Variants in RSPO2 observed in about 807,000 individuals in gnomAD.
RSPO2 encodes the protein R-spondin 2.
In RSPO2, 14 loss-of-function variants were observed where a neutral mutation model predicts 30.9. The observed-to-expected ratio is 0.45, with a 90% CI of 0.30 to 0.71. RSPO2 has a LOEUF of 0.71. Ranked by LOEUF, RSPO2 falls within the 30% of genes least tolerant of loss-of-function variation. RSPO2 has a pLI of 0.08. For synonymous variants in RSPO2, 107 were observed against 96.4 expected (o/e 1.11, Z -0.64); for missense variants, 264 against 301.9 (o/e 0.87, Z 0.93).
At chr8:107,963,076 T>A (rs1178997377) in intron 3 of RSPO2, among the ~76,000 whole-genome samples, 1 of 152,194 alleles carries the variant, frequency 6.6e-6, no homozygotes, top group Non-Finnish European at 1.5e-5. Flanking sequence ...CCTGAGGACT[T>A]CTTCAGGTAT....
At chr8:107,996,780 C>A (rs1222505105) in intron 2 of RSPO2, 2 of 308,830 alleles carry the variant, frequency 6.5e-6, no homozygotes, top group East Asian at 1.0e-4. Flanking sequence ...CAACTTTCAT[C>A]TTGACCACAA....
intron 5 of RSPO2, among the ~76,000 whole-genome samples, chr8:107,918,092 T>A (rs1029666795): frequency 6.6e-6 from 1 of 152,202 alleles, no homozygotes; most frequent in Non-Finnish European, 1.5e-5. Flanking sequence ...GTTAATTGAA[T>A]GGACTGAACT....
chr8:107,907,497 A>G (rs1197794109), intron 5 of RSPO2, among the ~76,000 whole-genome samples: 5 of 152,088 alleles, frequency 3.3e-5, no homozygotes, highest in African/African-American at 1.2e-4. Flanking sequence ...GTCAAGTAGT[A>G]ACTTAGAAGA....
At chr8:107,921,418 C>T (rs1322150734) in intron 5 of RSPO2, among the ~76,000 whole-genome samples, 1 of 151,946 alleles carries the variant, frequency 6.6e-6, no homozygotes, top group African/African-American at 2.4e-5. Context: ...TGTCACATCA[C>T]TTATAAAAGT....
At chr8:107,927,550 T>C (rs1168109582) in intron 5 of RSPO2, among the ~76,000 whole-genome samples, 1 of 152,164 alleles carries the variant, frequency 6.6e-6, no homozygotes, top group Non-Finnish European at 1.5e-5. Context: ...AAATAGCTCT[T>C]ATTATTTTGA....
intron 2 of RSPO2, among the ~76,000 whole-genome samples, chr8:108,033,398 C>G (rs1344736022): frequency 6.6e-6 from 1 of 152,150 alleles, no homozygotes; most frequent in Non-Finnish European, 1.5e-5. Context: ...ATCTAGCTGG[C>G]CTCTCAGATT....
intron 2 of RSPO2, among the ~76,000 whole-genome samples, chr8:108,023,735 G>C (rs1375776096): frequency 6.6e-6 from 1 of 152,078 alleles, no homozygotes; most frequent in Non-Finnish European, 1.5e-5. Context: ...ACAAGTGTTT[G>C]GGAAATACAT....
intron 5 of RSPO2, among the ~76,000 whole-genome samples, chr8:107,903,692 G>A (rs1434912555): frequency 3.9e-5 from 6 of 152,054 alleles, no homozygotes; most frequent in Admixed American, 2.6e-4. Flanking sequence ...ATTCCAACAA[G>A]CAATGTTTGG....
At chr8:107,915,642 G>A (rs1265985321) in intron 5 of RSPO2, among the ~76,000 whole-genome samples, 1 of 152,070 alleles carries the variant, frequency 6.6e-6, no homozygotes, top group African/African-American at 2.4e-5. Flanking sequence ...AGAAGGAACT[G>A]CTGAAAGTCC....
At chr8:107,901,334 T>C in intron 5 of RSPO2, 144 bp from the exon 6 acceptor site, 1 of 866,348 alleles carries the variant, frequency 1.2e-6, no homozygotes, top group Non-Finnish European at 1.7e-6. Context: ...ATTGTTCACA[T>C]TAATTTTGAC....
At chr8:108,042,607 G>C (rs1811792030) in intron 2 of RSPO2, among the ~76,000 whole-genome samples, 2 of 152,154 alleles carry the variant, frequency 1.3e-5, no homozygotes, top group African/African-American at 4.8e-5. Flanking sequence ...GCAACTTTGT[G>C]ATTAACATAG....
intron 2 of RSPO2, among the ~76,000 whole-genome samples, chr8:107,991,308 T>C (rs1048903886): frequency 3.3e-5 from 5 of 149,754 alleles, no homozygotes; most frequent in African/African-American, 1.2e-4. Flanking sequence ...GGGAAAAGAT[T>C]CACTATTCAA....
chr8:108,026,448 C>T (rs753472908), intron 2 of RSPO2, among the ~76,000 whole-genome samples: 53 of 151,910 alleles, frequency 3.5e-4, no homozygotes, highest in Non-Finnish European at 6.6e-4. Flanking sequence ...AAATTCATTG[C>T]GATTATAAAT....
intron 5 of RSPO2, among the ~76,000 whole-genome samples, chr8:107,905,061 G>A (rs1244337644): frequency 6.6e-6 from 1 of 152,072 alleles, no homozygotes; most frequent in Non-Finnish European, 1.5e-5. Context: ...CAAGATATAG[G>A]CAGACTCACA....
intron 2 of RSPO2, among the ~76,000 whole-genome samples, chr8:108,028,297 G>A (rs968315792): frequency 2.0e-5 from 3 of 152,228 alleles, no homozygotes; most frequent in East Asian, 3.9e-4. Context: ...GTTCAAGAAC[G>A]TGTCCAAATG....
At chr8:108,082,119 G>A (rs1349015257) in intron 2 of RSPO2, among the ~76,000 whole-genome samples, 2 of 152,108 alleles carry the variant, frequency 1.3e-5, no homozygotes, top group Non-Finnish European at 2.9e-5. Flanking sequence ...TGGGGCGCAC[G>A]TGGATGGGGA....
chr8:107,968,077 C>T (rs1813871844), intron 3 of RSPO2, among the ~76,000 whole-genome samples: 1 of 152,074 alleles, frequency 6.6e-6, no homozygotes, highest in Non-Finnish European at 1.5e-5. Flanking sequence ...TGTGATCCAG[C>T]AATCCCACTG....
intron 2 of RSPO2, among the ~76,000 whole-genome samples, chr8:108,041,858 C>A (rs1811768766): frequency 3.9e-5 from 6 of 152,028 alleles, no homozygotes; most frequent in Admixed American, 3.9e-4. Flanking sequence ...GTTGGCATCA[C>A]AACAGGTCAA....
chr8:108,004,011 C>T (rs1815369362), intron 2 of RSPO2, among the ~76,000 whole-genome samples: 1 of 152,132 alleles, frequency 6.6e-6, no homozygotes, highest in Admixed American at 6.5e-5. Context: ...TCCTTTCCTC[C>T]GTTTTTAGCT....
Sources: gnomAD v4.1 joint callset for allele counts (sites outside exome capture counted in the v4.1 genomes callset) on GRCh38, gnomAD v4.1.1 for gene constraint, MANE v1.5 for transcripts, NCBI Gene and HGNC (gene_info 2026-07-23, HGNC 2026-07-21) for gene names.